The following SNAP25 variants were observed in gnomAD, a reference collection of about 807,000 sequenced individuals.
SNAP25 encodes the protein synaptosomal-associated protein 25.
SNAP25 carries 3 observed loss-of-function variants against 28.7 expected under a neutral mutation model. That is an observed-to-expected ratio of 0.10 (90% CI 0.05 to 0.27). SNAP25 has a LOEUF of 0.27. SNAP25 is among the 10% of genes least tolerant of loss of function. The pLI, the probability that SNAP25 is intolerant of heterozygous loss-of-function variation, is 1.00. For synonymous variants in SNAP25, 61 were observed against 88.1 expected (o/e 0.69, Z 1.72); for missense variants, 117 against 278.7 (o/e 0.42, Z 4.13).
At chr20:10,299,140 C>A (rs2064177907) in intron 6 of SNAP25, 128 bp from the exon 7 acceptor site, 1 of 1,056,820 alleles carries the variant, frequency 9.5e-7, no homozygotes, top group Non-Finnish European at 1.3e-6. Flanking sequence ...TGTTTTTGTA[C>A]TGGATGGAGA....
At chr20:10,275,625 C>A in intron 2 of SNAP25, 62 bp downstream of exon 2, 1 of 1,370,556 alleles carries the variant, frequency 7.3e-7, no homozygotes, top group Non-Finnish European at 9.9e-7. Flanking sequence ...TTGTCTTATT[C>A]AGGTTCAGGT....
intron 1 of SNAP25, among the ~76,000 whole-genome samples, chr20:10,234,401 T>G (rs1257761743): frequency 1.3e-5 from 2 of 152,256 alleles, no homozygotes; most frequent in African/African-American, 4.8e-5. Flanking sequence ...TAGTGCTCTA[T>G]AGGCTTAATA....
Position 10,301,894 on chromosome 20 carries a change from ATG to A in SNAP25, c.552+2484_552+2485del, listed in dbSNP as rs1176041942. Among the ~76,000 whole-genome samples, 59 of 146,952 alleles carry A rather than the reference ATG, an allele frequency of 4.0e-4. 1 individual carries two copies. The South Asian group carries it at 8.2e-3, about 20-fold the overall frequency. ...ATATAATATATAATATATATATTAT[ATG>A]TATATGGTTATTATATATATATAAA... On this transcript the variant is annotated intron_variant, in intron 7 of 7. Coordinates refer to ENST00000254976, the MANE Select transcript of SNAP25 (RefSeq NM_130811.4).
chr20:10,252,529 C>T (rs998773730), intron 1 of SNAP25, among the ~76,000 whole-genome samples: 1 of 152,070 alleles, frequency 6.6e-6, no homozygotes. Context: ...CGGTGATTGA[C>T]ATGTTTATTA....
chr20:10,294,875 C>T (rs1245722185), intron 5 of SNAP25, among the ~76,000 whole-genome samples: 1 of 152,056 alleles, frequency 6.6e-6, no homozygotes, highest in Non-Finnish European at 1.5e-5. Context: ...AACTTGCCCC[C>T]AGGTGAGATT....
At chr20:10,260,677 C>G (rs1378962996) in intron 1 of SNAP25, among the ~76,000 whole-genome samples, 1 of 136,476 alleles carries the variant, frequency 7.3e-6, no homozygotes, top group Non-Finnish European at 1.5e-5. Context: ...TAATGGCATA[C>G]TTAGACTCAC....
rs182345261 is a variant in SNAP25 at position 10,234,228 on chromosome 20, A to G, written c.-64+15251A>G. 9.7e-4 allele frequency among the ~76,000 whole-genome samples: 147 copies of G among 152,122 alleles called. 1 individual carries two copies. The highest frequency in any genetic ancestry group is 3.3e-3 in the African/African-American group (135 of 41,484). On this transcript the variant is annotated intron_variant, in intron 1 of 7. Coordinates refer to ENST00000254976, the MANE Select transcript of SNAP25 (RefSeq NM_130811.4). ...CATCACAGTTCTGGAAAGGAAGATG[A>G]TACAGAAACCACAGCCATTTTGCAG...
intron 3 of SNAP25, among the ~76,000 whole-genome samples, chr20:10,278,438 G>A (rs1428251341): frequency 1.3e-5 from 2 of 152,200 alleles, no homozygotes; most frequent in African/African-American, 2.4e-5. Context: ...CAATTTGGTA[G>A]AGCAGCAGTC....
rs363000 is a variant in SNAP25 at position 10,298,617 on chromosome 20, C to T, written c.408-651C>T. 2.3e-3 allele frequency among the ~76,000 whole-genome samples: 356 copies of T among 152,210 alleles called. 5 individuals are homozygous for T. In the South Asian group the frequency reaches 0.033, roughly 14 times the overall value. On this transcript the variant is annotated intron_variant, in intron 6 of 7. Coordinates refer to ENST00000254976, the MANE Select transcript of SNAP25 (RefSeq NM_130811.4). ...GTTTTTGACTCTGAAATCACCTATG[C>T]ACCATGCCACTAAAAAACCCATGTT...
chr20:10,233,099 G>A, intron 1 of SNAP25, among the ~76,000 whole-genome samples: 1 of 152,160 alleles, frequency 6.6e-6, no homozygotes. Context: ...AGTCCACAGT[G>A]GCTGAAAATA....
chr20:10,299,756 A>G (rs960262672), intron 7 of SNAP25, among the ~76,000 whole-genome samples: 6 of 152,226 alleles, frequency 3.9e-5, no homozygotes, highest in Non-Finnish European at 5.9e-5. Context: ...TGAATTTTCT[A>G]TCACTCAAAA....
intron 1 of SNAP25, among the ~76,000 whole-genome samples, chr20:10,228,830 A>G (rs1369538734): frequency 1.3e-5 from 2 of 152,142 alleles, no homozygotes; most frequent in Non-Finnish European, 2.9e-5. Flanking sequence ...TATAGGTTAC[A>G]TGAAGGCCAT....
At chr20:10,277,079 G>A (rs138258537) in intron 2 of SNAP25, among the ~76,000 whole-genome samples, 16 of 152,300 alleles carry the variant, frequency 1.1e-4, no homozygotes, top group African/African-American at 3.4e-4. Flanking sequence ...CGCAGTGCCC[G>A]GGGGACCATT....
chr20:10,248,450 TA>T (rs1212945741), intron 1 of SNAP25, among the ~76,000 whole-genome samples: 6 of 152,224 alleles, frequency 3.9e-5, no homozygotes, highest in Admixed American at 2.0e-4. Flanking sequence ...GCAGAGGCAA[TA>T]ATTATGAATA....
intron 1 of SNAP25, among the ~76,000 whole-genome samples, chr20:10,239,170 G>A (rs2062978361): frequency 1.3e-5 from 2 of 152,188 alleles, no homozygotes; most frequent in Non-Finnish European, 2.9e-5. Flanking sequence ...TATAGAGAAG[G>A]AAGAGTAGGG....
intron 1 of SNAP25, among the ~76,000 whole-genome samples, chr20:10,260,923 T>G (rs1020397826): frequency 1.3e-5 from 2 of 152,198 alleles, no homozygotes; most frequent in Non-Finnish European, 2.9e-5. Context: ...CTCAGAAATG[T>G]GAGCTCCTGA....
chr20:10,287,120 C>T (rs1232904159), intron 4 of SNAP25, among the ~76,000 whole-genome samples: 2 of 152,128 alleles, frequency 1.3e-5, no homozygotes. Context: ...ATGTCCAAAA[C>T]ACCAAAAGCA....
At chr20:10,264,072 T>C (rs1258099512) in intron 1 of SNAP25, among the ~76,000 whole-genome samples, 2 of 152,136 alleles carry the variant, frequency 1.3e-5, no homozygotes, top group African/African-American at 4.8e-5. Context: ...AAGAGAGATT[T>C]AGGCATAATC....
At chr20:10,304,646 G>A (rs961883261) in intron 7 of SNAP25, among the ~76,000 whole-genome samples, 1 of 152,252 alleles carries the variant, frequency 6.6e-6, no homozygotes, top group African/African-American at 2.4e-5. Context: ...TACACATTAA[G>A]CAATTCAACT....
Sources: gnomAD v4.1 joint callset for allele counts (sites outside exome capture counted in the v4.1 genomes callset) on GRCh38, gnomAD v4.1.1 for gene constraint, MANE v1.5 for transcripts, NCBI Gene and HGNC (gene_info 2026-07-23, HGNC 2026-07-21) for gene names.